Variants in ANGPT1 observed in about 807,000 individuals in gnomAD.
The protein encoded by ANGPT1 is angiopoietin 1.
In ANGPT1, 17 loss-of-function variants were observed where a neutral mutation model predicts 62.2. That is an observed-to-expected ratio of 0.27 (90% CI 0.19 to 0.41). The LOEUF (loss-of-function observed/expected upper bound fraction) is 0.41, where lower values mean the gene tolerates loss of function less well. Ranked by LOEUF, ANGPT1 falls within the 10% of genes least tolerant of loss-of-function variation. The probability of loss-of-function intolerance (pLI) is 1.00; values close to 1 mark genes in which losing one functional copy is unlikely to be tolerated. For synonymous variants in ANGPT1, 199 were observed against 198.9 expected, an observed-to-expected ratio of 1.00 and a Z score of 0.00; for missense variants, 478 against 594.9, an observed-to-expected ratio of 0.80 and a Z score of 2.04.
chr8:107,330,199 T>C (rs1815387909), intron 3 of ANGPT1, among the ~76,000 whole-genome samples: 1 of 152,222 alleles, frequency 6.6e-6, no homozygotes, highest in Admixed American at 6.5e-5. Flanking sequence ...CTGTTCTCAG[T>C]GATTTACACA....
At position 107,448,313 on chromosome 8, in the gene ANGPT1, C is replaced by T. The variant is rs528957774; in HGVS notation, c.297+48949G>A. Among the ~76,000 whole-genome samples, 7 of 152,256 alleles carry T rather than the reference C, an allele frequency of 4.6e-5. No homozygotes were observed. The South Asian group carries it at 1.5e-3, about 32-fold the overall frequency. ...AATGAGATACTCTTCTATCATAATG[C>T]AACTTTTTTATGAAACTGTCCCTGA... On this transcript the variant is annotated intron_variant, in intron 1 of 8. Transcript: ENST00000517746.
chr8:107,311,957 G>C (rs554057157), intron 4 of ANGPT1, among the ~76,000 whole-genome samples: 3 of 151,842 alleles, frequency 2.0e-5, no homozygotes, highest in African/African-American at 4.8e-5. Flanking sequence ...CCAGCTACTC[G>C]GGAGGCTGAG....
At chr8:107,419,236 G>T (rs1352126767) in intron 1 of ANGPT1, among the ~76,000 whole-genome samples, 1 of 152,016 alleles carries the variant, frequency 6.6e-6, no homozygotes, top group Non-Finnish European at 1.5e-5. Flanking sequence ...GAAGCAAGAA[G>T]GTTTCTCTGA....
At chr8:107,253,133 C>A (rs1813283233) in intron 8 of ANGPT1, among the ~76,000 whole-genome samples, 1 of 152,196 alleles carries the variant, frequency 6.6e-6, no homozygotes, top group African/African-American at 2.4e-5. Context: ...GCGTAACAAG[C>A]TGCATTAATC....
chr8:107,448,148 T>A (rs1051880385), intron 1 of ANGPT1, among the ~76,000 whole-genome samples: 5 of 152,196 alleles, frequency 3.3e-5, no homozygotes, highest in Admixed American at 2.0e-4. Flanking sequence ...TCTCCATAAC[T>A]CTCATTAATG....
chr8:107,395,684 A>G (rs1816921293), intron 1 of ANGPT1, among the ~76,000 whole-genome samples: 2 of 152,198 alleles, frequency 1.3e-5, no homozygotes, highest in South Asian at 2.1e-4. Context: ...ATGTTAGGAA[A>G]TAAGTTTAAA....
Position 107,249,487 on chromosome 8 carries a change from C to A in ANGPT1, c.*2368G>T, listed in dbSNP as rs944572335. ...GTATTAAAAATAAAATGAAGTTGCA[C>A]AAATATTACTTTCAATTTTATTTAA... On this transcript the variant is annotated 3_prime_UTR_variant, in exon 9 of 9. Coordinates refer to ENST00000517746, the MANE Select transcript of ANGPT1 (RefSeq NM_001146.5). 3.9e-5 allele frequency: 6 copies of A among 152,066 alleles called. No homozygotes were observed. Among genetic ancestry groups the A allele is most frequent in the African/African-American group, 1.2e-4 (5 of 41,424 alleles). 9.4% of individuals were successfully genotyped at this position (152,066 alleles called of 1,614,324 possible). A position where few individuals can be genotyped will look rare whatever the true frequency, so the allele number is the denominator to read the frequency against.
chr8:107,288,429 T>G (rs1447112406), intron 6 of ANGPT1, among the ~76,000 whole-genome samples: 1 of 152,138 alleles, frequency 6.6e-6, no homozygotes, highest in African/African-American at 2.4e-5. Context: ...TAAGGTATTA[T>G]ACCATGCTAA....
intron 1 of ANGPT1, among the ~76,000 whole-genome samples, chr8:107,496,620 G>A (rs1040198324): frequency 3.3e-5 from 5 of 152,024 alleles, no homozygotes; most frequent in Admixed American, 6.6e-5. Flanking sequence ...ACCCCTTTCC[G>A]ACAGTTAACA....
chr8:107,344,672 T>A (rs1815766027), intron 2 of ANGPT1, among the ~76,000 whole-genome samples: 1 of 152,190 alleles, frequency 6.6e-6, no homozygotes, highest in South Asian at 2.1e-4. Flanking sequence ...TAAAATATAT[T>A]GGAAAGACAT....
intron 5 of ANGPT1, among the ~76,000 whole-genome samples, chr8:107,299,649 ATATC>A (rs922945927): frequency 6.5e-5 from 9 of 137,730 alleles, no homozygotes; most frequent in Non-Finnish European, 1.2e-4. Context: ...ATAGATATAA[ATATC>A]TATATATAGA....
chr8:107,349,637 A>G (rs1180117820), intron 1 of ANGPT1, among the ~76,000 whole-genome samples: 1 of 152,148 alleles, frequency 6.6e-6, no homozygotes, highest in Admixed American at 6.5e-5. Flanking sequence ...TATATGTTAT[A>G]GCTGCTTTAT....
intron 1 of ANGPT1, among the ~76,000 whole-genome samples, chr8:107,495,774 CTA>C (rs1813076592): frequency 1.3e-5 from 2 of 152,122 alleles, no homozygotes; most frequent in Non-Finnish European, 2.9e-5. Context: ...TACAAACATC[CTA>C]TTATAAACTA....
chr8:107,353,731 T>C (rs1369095828), intron 1 of ANGPT1, among the ~76,000 whole-genome samples: 1 of 152,140 alleles, frequency 6.6e-6, no homozygotes, highest in Non-Finnish European at 1.5e-5. Context: ...ATGTGGTAAG[T>C]GTGTGCTGTG....
intron 1 of ANGPT1, among the ~76,000 whole-genome samples, chr8:107,376,945 G>T (rs1290867922): frequency 3.3e-5 from 5 of 152,140 alleles, no homozygotes; most frequent in Admixed American, 6.6e-5. Context: ...TGTCCCAAAA[G>T]ATCAAGTACA....
At chr8:107,422,191 A>G (rs1353322995) in intron 1 of ANGPT1, among the ~76,000 whole-genome samples, 1 of 152,160 alleles carries the variant, frequency 6.6e-6, no homozygotes, top group African/African-American at 2.4e-5. Context: ...TCAGCTTCCT[A>G]CACTAATTAC....
intron 1 of ANGPT1, among the ~76,000 whole-genome samples, chr8:107,432,446 C>T (rs1586317642): frequency 1.3e-5 from 2 of 152,096 alleles, no homozygotes; most frequent in South Asian, 2.1e-4. Flanking sequence ...AGGCAGATCA[C>T]GAGGTCAGGA....
chr8:107,494,449 G>T (rs995572797), intron 1 of ANGPT1: 1 of 152,134 alleles, frequency 6.6e-6, no homozygotes, highest in South Asian at 2.1e-4. Flanking sequence ...TATTACAGAA[G>T]AGATCAAACC....
At chr8:107,252,846 C>T (rs1277479103) in intron 8 of ANGPT1, among the ~76,000 whole-genome samples, 2 of 152,184 alleles carry the variant, frequency 1.3e-5, no homozygotes, top group South Asian at 4.1e-4. Flanking sequence ...TTCCTGTCTG[C>T]TGAAGTAACA....
Sources: allele counts gnomAD v4.1 joint callset (sites outside exome capture counted in the v4.1 genomes callset), GRCh38; gene constraint gnomAD v4.1.1; transcripts MANE v1.5; gene names NCBI Gene and HGNC (gene_info 2026-07-23, HGNC 2026-07-21).